Variants in SGPP2 observed in about 807,000 individuals in gnomAD.
SGPP2 encodes sphingosine 1-phosphate phosphohydrolase 2.
SGPP2 carries 30 observed loss-of-function variants against 33.9 expected under a neutral mutation model. The ratio of observed to expected loss-of-function variants is 0.89; its 90% confidence interval spans 0.66 to 1.20. The LOEUF is 1.20. Ranked by LOEUF, SGPP2 falls within the 50% of genes most tolerant of loss-of-function variation. SGPP2 has a pLI of 0.00. For missense variants in SGPP2, 458 were observed against 532.1 expected (o/e 0.86, Z 1.37); for synonymous variants, 233 against 225.0 (o/e 1.04, Z -0.32).
At chr2:222,461,371 C>G (rs1697656606) in intron 1 of SGPP2, among the ~76,000 whole-genome samples, 2 of 152,158 alleles carry the variant, frequency 1.3e-5, no homozygotes, top group African/African-American at 4.8e-5. Flanking sequence ...GCCTCTTAGG[C>G]AGCAGTCCCC....
At chr2:222,470,356 A>G (rs11676701) in intron 1 of SGPP2, among the ~76,000 whole-genome samples, 87,135 of 152,048 alleles carry the variant, frequency 0.57, 25,877 homozygotes, top group African/African-American at 0.74. Context: ...AATTTAAAGG[A>G]AAGTATTGGC....
At position 222,459,142 on chromosome 2, in the gene SGPP2, C is replaced by CTTTCT. The variant is rs1414316448; in HGVS notation, c.220-15423_220-15422insCTTTT. 2.5e-3 allele frequency among the ~76,000 whole-genome samples: 233 copies of CTTTCT among 94,492 alleles called. 3 individuals carry two copies. The highest frequency in any genetic ancestry group is 6.2e-3 in the African/African-American group (164 of 26,450). The allele number at this position is 94,492 out of a possible 152,430, so 62.0% of individuals were successfully genotyped here. On this transcript the variant is annotated intron_variant, in intron 1 of 4. Coordinates refer to ENST00000321276, the MANE Select transcript of SGPP2 (RefSeq NM_152386.4). ...CTTTTTTTTCTTTCTTTCTTTCTTT[C>CTTTCT]TTTTTTTTTTTTTTTTTTTTTTGAG...
At chr2:222,457,374 T>C (rs1697588777) in intron 1 of SGPP2, among the ~76,000 whole-genome samples, 2 of 152,150 alleles carry the variant, frequency 1.3e-5, no homozygotes, top group African/African-American at 4.8e-5. Flanking sequence ...TGCATTAATA[T>C]TTGCCTATAA....
chr2:222,533,249 G>C (rs1184841462), intron 4 of SGPP2, among the ~76,000 whole-genome samples: 1 of 152,180 alleles, frequency 6.6e-6, no homozygotes, highest in Non-Finnish European at 1.5e-5. Flanking sequence ...GTGGCTCTGA[G>C]GAGTGTCATC....
intron 1 of SGPP2, among the ~76,000 whole-genome samples, chr2:222,466,362 G>C (rs1044555479): frequency 6.7e-6 from 1 of 149,246 alleles, no homozygotes; most frequent in African/African-American, 2.5e-5. Context: ...GGGTTCAAGC[G>C]ATTCTCTTGC....
intron 1 of SGPP2, among the ~76,000 whole-genome samples, chr2:222,463,626 T>C (rs1176656134): frequency 6.6e-6 from 1 of 152,152 alleles, no homozygotes; most frequent in East Asian, 1.9e-4. Flanking sequence ...CCCACTAACA[T>C]GACTGTCCTG....
chr2:222,503,890 A>G (rs1201258808), intron 2 of SGPP2: 3 of 152,164 alleles, frequency 2.0e-5, no homozygotes, highest in Admixed American at 1.3e-4. Context: ...CAGAGGTCAC[A>G]CAGACCATAA....
chr2:222,495,031 C>CAAAAA (rs1698255342), intron 2 of SGPP2, among the ~76,000 whole-genome samples: 2 of 151,630 alleles, frequency 1.3e-5, no homozygotes, highest in Admixed American at 1.3e-4. Context: ...GACTCTGTCT[C>CAAAAA]AAACAAAAAC....
intron 1 of SGPP2, among the ~76,000 whole-genome samples, chr2:222,437,708 C>T (rs958872000): frequency 6.6e-5 from 10 of 152,132 alleles, no homozygotes; most frequent in African/African-American, 2.4e-4. Context: ...CAGAAAGCAC[C>T]CAGTTCATGA....
At chr2:222,554,129 C>G (rs56087245) in intron 4 of SGPP2, among the ~76,000 whole-genome samples, 6,044 of 152,258 alleles carry the variant, frequency 0.04, 194 homozygotes, top group African/African-American at 0.084. Context: ...ACACAAAATT[C>G]AAAAGGTACA....
intron 1 of SGPP2, among the ~76,000 whole-genome samples, chr2:222,471,541 C>G (rs757454542): frequency 6.6e-6 from 1 of 152,012 alleles, no homozygotes; most frequent in Non-Finnish European, 1.5e-5. Context: ...CATAAGAGTT[C>G]CTTGAAGCAG....
At chr2:222,430,381 G>T (rs1697135392) in intron 1 of SGPP2, among the ~76,000 whole-genome samples, 1 of 152,206 alleles carries the variant, frequency 6.6e-6, no homozygotes, top group African/African-American at 2.4e-5. Flanking sequence ...CTTAAAAATA[G>T]TTAAAATGGT....
chr2:222,544,361 TTAAA>T (rs771052909), intron 4 of SGPP2, among the ~76,000 whole-genome samples: 4 of 152,192 alleles, frequency 2.6e-5, no homozygotes, highest in African/African-American at 4.8e-5. Context: ...TCAGATCTTG[TTAAA>T]TAAAGTCATA....
At chr2:222,540,672 C>T (rs141028428) in intron 4 of SGPP2, among the ~76,000 whole-genome samples, 1 of 152,044 alleles carries the variant, frequency 6.6e-6, no homozygotes, top group Non-Finnish European at 1.5e-5. Context: ...TATTTTTTCT[C>T]CCTTATTTAT....
At position 222,465,665 on chromosome 2, in the gene SGPP2, A is replaced by G. The variant is rs1307556487; in HGVS notation, c.220-8903A>G. On this transcript the variant is annotated intron_variant, in intron 1 of 4. Coordinates refer to ENST00000321276, the MANE Select transcript of SGPP2 (RefSeq NM_152386.4). The surrounding 1 kb of genome is among the most constrained non-coding windows in gnomAD (Gnocchi z 4.1). ...CCAAAATTTGTTCTAGTCTCACCAG[A>G]GTAAATCCAGTTGTGCTCCCATTTA... 1.3e-5 allele frequency among the ~76,000 whole-genome samples: 2 copies of G among 152,240 alleles called. No individual in the cohort carries two copies. Among genetic ancestry groups the G allele is most frequent in the African/African-American group, 4.8e-5 (2 of 41,464 alleles).
chr2:222,520,737 A>AAAAAAAAAAC, intron 2 of SGPP2, among the ~76,000 whole-genome samples: 1 of 140,374 alleles, frequency 7.1e-6, no homozygotes, highest in African/African-American at 2.6e-5. Context: ...AAAAAAAAAA[A>AAAAAAAAAAC]AAAAAAAACC....
intron 2 of SGPP2, among the ~76,000 whole-genome samples, chr2:222,482,321 A>T (rs13413340): frequency 2.9e-4 from 44 of 152,100 alleles, no homozygotes; most frequent in Non-Finnish European, 3.2e-4. Context: ...CTATAATTCA[A>T]TTGTGATTTT....
At chr2:222,533,789 A>ATT (rs113490942) in intron 4 of SGPP2, among the ~76,000 whole-genome samples, 1 of 107,554 alleles carries the variant, frequency 9.3e-6, no homozygotes, top group African/African-American at 2.7e-5. Context: ...GGCTTCATTT[A>ATT]TTTTTTTTTT....
chr2:222,539,419 G>C lies in SGPP2; in HGVS notation c.648+14386G>C, dbSNP rs116133368. Among the ~76,000 whole-genome samples, 112 of 152,326 alleles carry C rather than the reference G, an allele frequency of 7.4e-4. 1 individual carries two copies. The highest frequency in any genetic ancestry group is 2.6e-3 in the African/African-American group (108 of 41,578). ...TAAGCAAAATGGAATTTTATACAGGGAATGTGGTGCTTACAAAGTATTGGA... is the reference window on the plus strand; with the variant it reads ...TAAGCAAAATGGAATTTTATACAGGCAATGTGGTGCTTACAAAGTATTGGA... On this transcript the variant is annotated intron_variant, in intron 4 of 4. Transcript: ENST00000321276.
Sources: gnomAD v4.1 joint callset for allele counts (sites outside exome capture counted in the v4.1 genomes callset) on GRCh38, gnomAD v4.1.1 for gene constraint, Gnocchi (gnomAD v3.1) non-coding constraint, MANE v1.5 for transcripts, NCBI Gene and HGNC (gene_info 2026-07-23, HGNC 2026-07-21) for gene names.